The following INPP5A variants were observed in gnomAD, a reference collection of about 807,000 sequenced individuals.
The protein encoded by INPP5A is inositol polyphosphate-5-phosphatase A.
Under a neutral mutation model 65.2 loss-of-function variants are expected in INPP5A, and 14 were observed. The observed-to-expected ratio is 0.21, with a 90% CI of 0.14 to 0.34. The LOEUF is 0.34. INPP5A is among the 10% of genes least tolerant of loss of function. The pLI is 1.00. For synonymous variants in INPP5A, 207 were observed against 208.3 expected (o/e 0.99, Z 0.05); for missense variants, 431 against 545.6 (o/e 0.79, Z 2.09).
chr10:132,781,281 G>GTCATTAAAGTC (rs1166597263), intron 14 of INPP5A, among the ~76,000 whole-genome samples: 1 of 152,178 alleles, frequency 6.6e-6, no homozygotes, highest in Non-Finnish European at 1.5e-5. Context: ...GGCCTTCTTG[G>GTCATTAAAGTC]GGCAGGCTCA....
At chr10:132,740,204 C>T (rs140127978) in intron 9 of INPP5A, among the ~76,000 whole-genome samples, 7 of 152,182 alleles carry the variant, frequency 4.6e-5, no homozygotes, top group Non-Finnish European at 7.3e-5. Flanking sequence ...CAGAACTTAG[C>T]GTTTGAATTA....
At chr10:132,746,702 T>C (rs1023386123) in intron 9 of INPP5A, among the ~76,000 whole-genome samples, 4 of 152,244 alleles carry the variant, frequency 2.6e-5, no homozygotes, top group Non-Finnish European at 4.4e-5. Context: ...TTCCAGAGCC[T>C]CTCCTTGCGG....
At chr10:132,699,537 C>T (rs1236750999) in intron 6 of INPP5A, among the ~76,000 whole-genome samples, 26 of 152,148 alleles carry the variant, frequency 1.7e-4, no homozygotes, top group Admixed American at 1.7e-3. Flanking sequence ...GCTGGGCTGT[C>T]CCCTCCCCAC....
chr10:132,669,114 G>A (rs1259717626), intron 4 of INPP5A, among the ~76,000 whole-genome samples: 1 of 152,240 alleles, frequency 6.6e-6, no homozygotes, highest in Non-Finnish European at 1.5e-5. Flanking sequence ...TTAGCCAGGC[G>A]TGGTGGTGGG....
At chr10:132,751,926 G>A (rs1290476372) in intron 11 of INPP5A, among the ~76,000 whole-genome samples, 1 of 129,082 alleles carries the variant, frequency 7.7e-6, no homozygotes, top group East Asian at 2.3e-4. Context: ...GAGGTGTCTG[G>A]GTAGAGGCGG....
At chr10:132,597,849 A>G (rs1378338966) in intron 1 of INPP5A, among the ~76,000 whole-genome samples, 33 of 144,124 alleles carry the variant, frequency 2.3e-4, no homozygotes, top group African/African-American at 8.4e-4. Flanking sequence ...GGGCTGTGCT[A>G]TGCGCAGTGA....
Position 132,537,990 on chromosome 10 carries a change from G to T in INPP5A, c.-107G>T. 1 of 354,734 alleles carries T rather than the reference G, an allele frequency of 2.8e-6. No homozygotes were observed. The highest frequency in any genetic ancestry group is 1.1e-4 in the South Asian group (1 of 9,428). The allele number at this position is 354,734 out of a possible 1,614,324, so 22.0% of individuals were successfully genotyped here. On this transcript the variant is annotated 5_prime_UTR_variant, in exon 1 of 16. Coordinates refer to ENST00000368594, the MANE Select transcript of INPP5A (RefSeq NM_005539.5). ...GCGATGCGCCCCGGGGCCGCCCCCC[G>T]GCGCAGCTGACGCCCCGCGGCCCCG...
At chr10:132,596,700 G>T (rs1241926086) in intron 1 of INPP5A, among the ~76,000 whole-genome samples, 1 of 152,146 alleles carries the variant, frequency 6.6e-6, no homozygotes, top group African/African-American at 2.4e-5. Flanking sequence ...AAAGTGCTGG[G>T]ATTACAGGCG....
At chr10:132,691,404 CG>C (rs1845257760) in intron 5 of INPP5A, among the ~76,000 whole-genome samples, 1 of 152,200 alleles carries the variant, frequency 6.6e-6, no homozygotes, top group East Asian at 1.9e-4. Flanking sequence ...GGAGACACGG[CG>C]TCTGCGTGCT....
chr10:132,591,470 T>G (rs553948559), intron 1 of INPP5A, among the ~76,000 whole-genome samples: 3 of 152,170 alleles, frequency 2.0e-5, no homozygotes, highest in Admixed American at 1.3e-4. Flanking sequence ...ACAAGAGAGG[T>G]CTTTTCATGG....
intron 12 of INPP5A, among the ~76,000 whole-genome samples, chr10:132,766,684 ATGTG>A (rs1251602547): frequency 2.0e-5 from 3 of 150,956 alleles, no homozygotes; most frequent in East Asian, 1.9e-4. Context: ...GTGTGTGCAC[ATGTG>A]TGTGTGTTCA....
intron 1 of INPP5A, among the ~76,000 whole-genome samples, chr10:132,588,012 C>CAAAAAAAAAAAAAAAAA (rs796469034): frequency 3.6e-5 from 2 of 55,914 alleles, no homozygotes; most frequent in East Asian, 5.4e-4. Flanking sequence ...AACTCCATCT[C>CAAAAAAAAAAAAAAAAA]AAAAAAAAAA....
chr10:132,720,324 T>A (rs1389668306), intron 8 of INPP5A, among the ~76,000 whole-genome samples: 1 of 150,464 alleles, frequency 6.6e-6, no homozygotes, highest in Non-Finnish European at 1.5e-5. Context: ...GCCTGGGTTC[T>A]TTCTGGAGGC....
At position 132,550,345 on chromosome 10, in the gene INPP5A, G is replaced by A. The variant is rs375472927; in HGVS notation, c.75+12174G>A. Among the ~76,000 whole-genome samples, 9 of 152,320 alleles carry A rather than the reference G, an allele frequency of 5.9e-5. No individual in the cohort carries two copies. The South Asian group carries it at 1.0e-3, about 18-fold the overall frequency. On this transcript the variant is annotated intron_variant, in intron 1 of 15. Transcript: ENST00000368594. The surrounding 1 kb of genome is among the most constrained non-coding windows in gnomAD (Gnocchi z 4.2). ...GCCAGTAGTCCCTGTCCTCTCCAGC[G>A]ACCGCTCTCTCCTGGGTGTCAGTGG...
intron 2 of INPP5A, among the ~76,000 whole-genome samples, chr10:132,617,994 A>G (rs2072062959): frequency 6.6e-6 from 1 of 152,186 alleles, no homozygotes. Context: ...ATTTTATGAT[A>G]TAGTTAGGCC....
chr10:132,540,357 A>G (rs2070892093), intron 1 of INPP5A, among the ~76,000 whole-genome samples: 1 of 152,168 alleles, frequency 6.6e-6, no homozygotes. Flanking sequence ...ATTTTTCTTA[A>G]AGGCTATGTG....
chr10:132,777,348 A>C (rs982920972), intron 12 of INPP5A, among the ~76,000 whole-genome samples: 5 of 152,204 alleles, frequency 3.3e-5, no homozygotes, highest in African/African-American at 1.2e-4. Flanking sequence ...TTTTGTTTCC[A>C]TGGAGGTTTT....
chr10:132,699,584 G>A (rs540226185), intron 6 of INPP5A, among the ~76,000 whole-genome samples: 5 of 152,234 alleles, frequency 3.3e-5, no homozygotes, highest in African/African-American at 1.2e-4. Flanking sequence ...TGTCCACTCC[G>A]GATGGGGTAG....
intron 9 of INPP5A, among the ~76,000 whole-genome samples, chr10:132,738,076 T>C (rs936278280): frequency 1.4e-4 from 22 of 152,346 alleles, no homozygotes; most frequent in Admixed American, 1.4e-3. Context: ...CGAGGAACTG[T>C]TTTTTGGACT....
Sources: allele counts gnomAD v4.1 joint callset (sites outside exome capture counted in the v4.1 genomes callset), GRCh38; gene constraint gnomAD v4.1.1; non-coding constraint Gnocchi (gnomAD v3.1); transcripts MANE v1.5; gene names NCBI Gene and HGNC (gene_info 2026-07-23, HGNC 2026-07-21).